Variants in PTK2 observed in about 807,000 individuals in gnomAD.
The protein encoded by PTK2 is focal adhesion kinase 1.
A neutral mutation model predicts 150.1 loss-of-function variants in PTK2; 45 were observed. That is an observed-to-expected ratio of 0.30 (90% CI 0.24 to 0.38). PTK2 has a LOEUF of 0.38. PTK2 is among the 10% of genes least tolerant of loss of function. The pLI, the probability that PTK2 is intolerant of heterozygous loss-of-function variation, is 1.00. For missense variants in PTK2, 919 were observed against 1,307.3 expected, an observed-to-expected ratio of 0.70 and a Z score of 4.58; for synonymous variants, 432 against 449.2, an observed-to-expected ratio of 0.96 and a Z score of 0.48.
intron 17 of PTK2, 87 bp downstream of exon 20, chr8:140,752,145 C>A (rs2100063087): frequency 1.7e-6 from 2 of 1,150,508 alleles, no homozygotes; most frequent in Admixed American, 3.9e-5. Flanking sequence ...AAAGTCAAAA[C>A]ACTATTTTTC....
intron 25 of PTK2, among the ~76,000 whole-genome samples, chr8:140,702,233 T>G (rs1372289917): frequency 6.7e-6 from 1 of 150,084 alleles, no homozygotes; most frequent in Non-Finnish European, 1.5e-5. Context: ...TTTTTTTTTT[T>G]TTTTGAGACA....
intron 2 of PTK2, among the ~76,000 whole-genome samples, chr8:140,895,751 G>T (rs2100155937): frequency 6.6e-6 from 1 of 152,104 alleles, no homozygotes; most frequent in Non-Finnish European, 1.5e-5. Flanking sequence ...AAAGATAAAT[G>T]TTTGAGGTGA....
At chr8:140,928,996 C>T (rs1193959288) in intron 1 of PTK2, among the ~76,000 whole-genome samples, 1 of 109,834 alleles carries the variant, frequency 9.1e-6, no homozygotes, top group South Asian at 3.3e-4. Context: ...GACGGAGTCT[C>T]GCTCTGTCGC....
At chr8:140,830,277 T>C (rs2100114593) in intron 8 of PTK2, among the ~76,000 whole-genome samples, 195 bp downstream of exon 8, 2 of 152,332 alleles carry the variant, frequency 1.3e-5, no homozygotes, top group Middle Eastern at 3.4e-3. Context: ...AGTAAAACCA[T>C]GTTTTATGGG....
chr8:140,946,720 T>C (rs2100177826), intron 1 of PTK2, among the ~76,000 whole-genome samples: 1 of 152,156 alleles, frequency 6.6e-6, no homozygotes, highest in African/African-American at 2.4e-5. Flanking sequence ...CATTACTTTT[T>C]TCTCATCCCA....
At chr8:140,660,683 G>GC (rs1217131052) in intron 31 of PTK2, 4 of 450,018 alleles carry the variant, frequency 8.9e-6, no homozygotes, top group African/African-American at 2.0e-5. Context: ...CCAAGATCGT[G>GC]CCATTGCACT....
At chr8:140,884,598 C>T (rs1364426519) in intron 3 of PTK2, among the ~76,000 whole-genome samples, 4 of 152,218 alleles carry the variant, frequency 2.6e-5, no homozygotes, top group South Asian at 4.2e-4. Flanking sequence ...CACTGAAGAC[C>T]GTTGGACTGC....
chr8:140,739,895 T>C (rs972053878), intron 20 of PTK2, among the ~76,000 whole-genome samples: 4 of 152,224 alleles, frequency 2.6e-5, no homozygotes, highest in African/African-American at 9.6e-5. Context: ...CTCAATTTTT[T>C]TGTTGCTTTG....
chr8:140,946,681 T>C (rs927710278), intron 1 of PTK2, among the ~76,000 whole-genome samples: 48 of 152,178 alleles, frequency 3.2e-4, no homozygotes, highest in African/African-American at 1.1e-3. Context: ...GACTACCCTA[T>C]TTAGACCTCA....
intron 2 of PTK2, among the ~76,000 whole-genome samples, chr8:140,924,622 A>C (rs1360215760): frequency 1.3e-5 from 2 of 152,174 alleles, no homozygotes; most frequent in Non-Finnish European, 2.9e-5. Context: ...CTGTCTGGGC[A>C]CTGCTTCACT....
intron 5 of PTK2, among the ~76,000 whole-genome samples, chr8:140,852,684 A>C (rs2100130071): frequency 6.6e-6 from 1 of 152,246 alleles, no homozygotes; most frequent in South Asian, 2.1e-4. Flanking sequence ...GTTGTATGGG[A>C]AATGTACGGG....
chr8:140,712,147 T>C (rs1370425207), intron 23 of PTK2, among the ~76,000 whole-genome samples: 2 of 152,018 alleles, frequency 1.3e-5, no homozygotes, highest in South Asian at 2.1e-4. Flanking sequence ...TTAAAACAGA[T>C]ACTAAAAAGT....
At chr8:140,888,574 T>G (rs908224497) in intron 3 of PTK2, among the ~76,000 whole-genome samples, 4 of 152,248 alleles carry the variant, frequency 2.6e-5, no homozygotes, top group African/African-American at 9.6e-5. Context: ...TACATTTGTA[T>G]CTGATGTAAA....
At chr8:140,899,985 C>T (rs1264552991) in intron 2 of PTK2, among the ~76,000 whole-genome samples, 3 of 151,972 alleles carry the variant, frequency 2.0e-5, no homozygotes, top group Non-Finnish European at 4.4e-5. Flanking sequence ...ATGACAAATC[C>T]ACAAACTAAC....
At chr8:140,770,453 G>T (rs1162203878) in intron 14 of PTK2, among the ~76,000 whole-genome samples, 1 of 152,144 alleles carries the variant, frequency 6.6e-6, no homozygotes, top group African/African-American at 2.4e-5. Flanking sequence ...ACTGAGAAGC[G>T]ACTTCTTGCC....
At chr8:140,714,822 A>AAAAAAAAAC (rs2100038734) in intron 23 of PTK2, among the ~76,000 whole-genome samples, 1 of 148,590 alleles carries the variant, frequency 6.7e-6, no homozygotes, top group Admixed American at 6.7e-5. Context: ...AAAAAAAAAA[A>AAAAAAAAAC]TCTAAGTAAG....
chr8:140,778,354 G>C (rs1446717580), intron 14 of PTK2, among the ~76,000 whole-genome samples: 1 of 152,194 alleles, frequency 6.6e-6, no homozygotes, highest in Non-Finnish European at 1.5e-5. Flanking sequence ...AGGAGGCTAA[G>C]GCACAAGAAC....
chr8:140,769,443 T>G, intron 14 of PTK2, 132 bp downstream of exon 16: 1 of 390,438 alleles, frequency 2.6e-6, no homozygotes, highest in South Asian at 4.2e-5. Flanking sequence ...TTTTAAAATA[T>G]TTTGCATACC....
intron 1 of PTK2, among the ~76,000 whole-genome samples, chr8:140,991,719 C>T (rs2100195754): frequency 6.6e-6 from 1 of 152,134 alleles, no homozygotes; most frequent in Non-Finnish European, 1.5e-5. Flanking sequence ...AGTTTAAAAA[C>T]CTTGCGAGGC....
Sources: allele counts gnomAD v4.1 joint callset (sites outside exome capture counted in the v4.1 genomes callset), GRCh38; gene constraint gnomAD v4.1.1; transcripts MANE v1.5; gene names NCBI Gene and HGNC (gene_info 2026-07-23, HGNC 2026-07-21).